The following SRGAP3 variants were observed in gnomAD, a reference collection of about 807,000 sequenced individuals.
The protein encoded by SRGAP3 is SLIT-ROBO Rho GTPase activating protein 3, also known as SLIT-ROBO Rho GTPase-activating protein 3.
Under a neutral mutation model 121.1 loss-of-function variants are expected in SRGAP3, and 39 were observed. That is an observed-to-expected ratio of 0.32 (90% CI 0.25 to 0.42). The LOEUF (loss-of-function observed/expected upper bound fraction) is 0.42. Ranked by LOEUF, SRGAP3 falls within the 10% of genes least tolerant of loss-of-function variation. The pLI is 1.00. For missense variants in SRGAP3, 1,213 were observed against 1,470.6 expected (o/e 0.82, Z 2.86); for synonymous variants, 601 against 570.0 (o/e 1.05, Z -0.77).
Position 9,255,696 on chromosome 3 carries a change from C to T in SRGAP3, n.442+70314G>A, listed in dbSNP as rs572351552. On this transcript the variant is annotated intron_variant and non_coding_transcript_variant, in intron 3 of 3. Coordinates refer to the SRGAP3 transcript ENST00000490889. ...CCCCAAGAGGTGAGCCCCAGGAGCT[C>T]CCAAAGGAGGATCAGGGTGCTATTC... is the stretch of plus-strand genomic sequence containing the variant. Among the ~76,000 whole-genome samples, 3 of 152,138 alleles carry T rather than the reference C, an allele frequency of 2.0e-5. No homozygotes were observed. In the South Asian group the frequency reaches 6.2e-4, roughly 32 times the overall value.
intron 21 of SRGAP3, among the ~76,000 whole-genome samples, chr3:8,987,692 T>C (rs747112937): frequency 2.4e-5 from 3 of 123,738 alleles, no homozygotes; most frequent in Non-Finnish European, 4.4e-5. Context: ...GCTTGTACGC[T>C]TCTCCAGGAT....
chr3:9,049,951 G>A (rs982782732), intron 9 of SRGAP3, among the ~76,000 whole-genome samples: 2 of 151,902 alleles, frequency 1.3e-5, no homozygotes, highest in African/African-American at 4.8e-5. Context: ...AAGTAGCTGG[G>A]ACCTCAGCCT....
intron 3 of SRGAP3, among the ~76,000 whole-genome samples, chr3:9,314,493 A>T (rs1188632892): frequency 2.0e-5 from 3 of 152,184 alleles, no homozygotes; most frequent in African/African-American, 7.2e-5. Flanking sequence ...AATGTTCGGG[A>T]CAGAGACCCA....
At chr3:9,013,556 A>G (rs1011005017) in intron 16 of SRGAP3, 21 bp from the exon 17 acceptor site, 1 of 1,612,620 alleles carries the variant, frequency 6.2e-7, no homozygotes. Flanking sequence ...GGAGTTACCC[A>G]CAAGTCATCT....
chr3:9,051,362 A>G (rs1331873451), intron 9 of SRGAP3, among the ~76,000 whole-genome samples: 1 of 152,192 alleles, frequency 6.6e-6, no homozygotes. Context: ...TGGTATACCC[A>G]TTAGTCTTTA....
At chr3:9,078,101 T>C (rs528828959) in intron 4 of SRGAP3, among the ~76,000 whole-genome samples, 1 of 152,308 alleles carries the variant, frequency 6.6e-6, no homozygotes, top group East Asian at 1.9e-4. Context: ...AGGTTTGGTC[T>C]GAGTTTGAAA....
intron 10 of SRGAP3, among the ~76,000 whole-genome samples, chr3:9,040,132 C>T (rs909617599): frequency 1.1e-4 from 16 of 152,328 alleles, no homozygotes; most frequent in African/African-American, 3.4e-4. Flanking sequence ...CTTACCTGGA[C>T]GACTTTCTTT....
intron 4 of SRGAP3, among the ~76,000 whole-genome samples, chr3:9,069,429 G>A (rs1449804499): frequency 6.6e-6 from 1 of 152,192 alleles, no homozygotes; most frequent in African/African-American, 2.4e-5. Context: ...AACTGGGGAT[G>A]TCTGAAGGGC....
chr3:9,204,818 G>T (rs953559428), intron 1 of SRGAP3, among the ~76,000 whole-genome samples: 1 of 152,222 alleles, frequency 6.6e-6, no homozygotes, highest in Non-Finnish European at 1.5e-5. Flanking sequence ...ATCTATTGTC[G>T]CTGGGGAGCA....
intron 1 of SRGAP3, among the ~76,000 whole-genome samples, chr3:9,164,020 A>G (rs1462486141): frequency 6.7e-5 from 8 of 119,134 alleles, no homozygotes; most frequent in African/African-American, 2.7e-4. Context: ...TTTTTGAGAC[A>G]GAGTTTCACT....
intron 8 of SRGAP3, among the ~76,000 whole-genome samples, chr3:9,055,863 T>A (rs1000885985): frequency 5.3e-5 from 8 of 150,918 alleles, no homozygotes; most frequent in African/African-American, 1.7e-4. Flanking sequence ...ATACTGAACA[T>A]AGAGTCCTAT....
intron 3 of SRGAP3, among the ~76,000 whole-genome samples, chr3:9,281,440 T>C (rs1290815297): frequency 1.3e-5 from 2 of 152,158 alleles, no homozygotes. Context: ...CTACTGGCTA[T>C]GGAGAAGAAC....
chr3:9,269,139 C>G (rs1954426676), intron 3 of SRGAP3, among the ~76,000 whole-genome samples: 1 of 152,202 alleles, frequency 6.6e-6, no homozygotes, highest in Non-Finnish European at 1.5e-5. Flanking sequence ...TCATTTCTTG[C>G]AGGATGAATA....
intron 7 of SRGAP3, 97 bp from the exon 8 acceptor site, chr3:9,056,431 C>A: frequency 7.7e-7 from 1 of 1,296,344 alleles, no homozygotes; most frequent in Non-Finnish European, 1.1e-6. Flanking sequence ...AATCACAGTC[C>A]AGGAAACAGG....
chr3:9,239,804 T>C lies in SRGAP3; in HGVS notation c.67+9081A>G, dbSNP rs1953558147. Among the ~76,000 whole-genome samples, 1 of 152,238 alleles carries C rather than the reference T, an allele frequency of 6.6e-6. No individual in the cohort carries two copies. Among genetic ancestry groups the C allele is most frequent in the Non-Finnish European group, 1.5e-5 (1 of 68,040 alleles). ...TCAACTAGATGTGCATTTGTTTTAC[T>C]TCTTTCCCTCTTCAAACTGCTCTCT... On this transcript the variant is annotated intron_variant, in intron 1 of 21. Transcript: ENST00000383836. This position sits in a 1 kb window ranked among gnomAD's most constrained non-coding sequence, Gnocchi z 4.0.
At chr3:9,084,700 C>A (rs1379282235) in intron 3 of SRGAP3, among the ~76,000 whole-genome samples, 2 of 152,162 alleles carry the variant, frequency 1.3e-5, no homozygotes, top group Non-Finnish European at 2.9e-5. Context: ...TCACCACAGA[C>A]CCAGATTCAC....
At chr3:9,013,693 G>C (rs1035227732) in intron 16 of SRGAP3, 44 bp downstream of exon 16, 4 of 1,604,532 alleles carry the variant, frequency 2.5e-6, no homozygotes, top group Non-Finnish European at 3.4e-6. Context: ...TCCCAAAAGA[G>C]GCCAGGCCTG....
At chr3:9,003,432 T>C (rs1442852573) in intron 18 of SRGAP3, among the ~76,000 whole-genome samples, 15 of 152,030 alleles carry the variant, frequency 9.9e-5, no homozygotes, top group Non-Finnish European at 1.8e-4. Context: ...TGAGCCAAGA[T>C]TGTGCCACTG....
At chr3:9,011,588 C>G (rs1559906627) in intron 17 of SRGAP3, among the ~76,000 whole-genome samples, 1 of 152,234 alleles carries the variant, frequency 6.6e-6, no homozygotes, top group African/African-American at 2.4e-5. Flanking sequence ...GTCTGCACTT[C>G]CCCCAGGAAG....
Sources: allele counts gnomAD v4.1 joint callset (sites outside exome capture counted in the v4.1 genomes callset), GRCh38; gene constraint gnomAD v4.1.1; non-coding constraint Gnocchi (gnomAD v3.1); transcripts MANE v1.5; gene names NCBI Gene and HGNC (gene_info 2026-07-23, HGNC 2026-07-21).